LRRIQ1: variants seen among roughly 807,000 people sequenced by gnomAD.
LRRIQ1 encodes the protein leucine rich repeats and IQ motif containing 1, also known as leucine-rich repeat- and IQ domain-containing protein 1.
A neutral mutation model predicts 211.9 loss-of-function variants in LRRIQ1; 210 were observed. That is an observed-to-expected ratio of 0.99 (90% CI 0.89 to 1.11). The LOEUF is 1.11. Among genes scored for constraint, LRRIQ1 ranks in the 50% most tolerant of loss-of-function variants. The pLI is 0.00. For missense variants in LRRIQ1, 2,136 were observed against 1,939.5 expected (o/e 1.10, Z -1.90); for synonymous variants, 699 against 650.1 (o/e 1.08, Z -1.14).
At chr12:85,132,603 A>G (rs990165751) in intron 18 of LRRIQ1, among the ~76,000 whole-genome samples, 2 of 151,974 alleles carry the variant, frequency 1.3e-5, no homozygotes, top group Non-Finnish European at 2.9e-5. Flanking sequence ...CCCTGTCTCT[A>G]TAAAAAATAC....
At chr12:85,228,611 C>G (rs1894783533) in intron 24 of LRRIQ1, among the ~76,000 whole-genome samples, 1 of 152,154 alleles carries the variant, frequency 6.6e-6, no homozygotes, top group Admixed American at 6.5e-5. Context: ...ACAACAGTAA[C>G]TTTTAAAGAA....
chr12:85,169,731 C>A (rs548059001), intron 24 of LRRIQ1, among the ~76,000 whole-genome samples: 1 of 152,172 alleles, frequency 6.6e-6, no homozygotes, highest in South Asian at 2.1e-4. Context: ...TAACACCTGT[C>A]ATTTTGTGGC....
intron 21 of LRRIQ1, among the ~76,000 whole-genome samples, 179 bp from the exon 22 acceptor site, chr12:85,153,484 A>G (rs1212739085): frequency 6.6e-6 from 1 of 151,574 alleles, no homozygotes; most frequent in Non-Finnish European, 1.5e-5. Flanking sequence ...ATATGCTTCA[A>G]GTAATTGAAA....
At chr12:85,123,651 G>A (rs1215751949) in intron 16 of LRRIQ1, among the ~76,000 whole-genome samples, 1 of 152,002 alleles carries the variant, frequency 6.6e-6, no homozygotes, top group East Asian at 1.9e-4. Flanking sequence ...TAAGTTCTTT[G>A]TTTAAAAGTC....
At chr12:85,139,641 T>C (rs374385936) in intron 19 of LRRIQ1, among the ~76,000 whole-genome samples, 122 of 151,520 alleles carry the variant, frequency 8.1e-4, no homozygotes, top group African/African-American at 2.8e-3. Context: ...TACACTGCAA[T>C]AATGAATTAT....
chr12:85,264,290 C>G (rs1480639265), exon 2 of LRRIQ1: 2 of 151,976 alleles, frequency 1.3e-5, no homozygotes, highest in Admixed American at 1.3e-4. Context: ...AATTTCCACT[C>G]CATGTATAGT....
At chr12:85,097,821 T>C (rs1262939336) in intron 11 of LRRIQ1, among the ~76,000 whole-genome samples, 1 of 152,156 alleles carries the variant, frequency 6.6e-6, no homozygotes, top group East Asian at 1.9e-4. Flanking sequence ...GCTCATCTAA[T>C]ATTTTGTAGA....
In LRRIQ1 at chr12:85,232,758, T is replaced by C; in HGVS notation, c.5016+2T>C. 1 of 1,610,748 alleles carries C rather than the reference T, an allele frequency of 6.2e-7. No individual in the cohort carries two copies. Among genetic ancestry groups the C allele is most frequent in the Non-Finnish European group, 8.5e-7 (1 of 1,177,392 alleles). Reference sequence around the variant, plus strand: ...AATGGTGGAAGAGTTCAGCTTGTGGTAAGAAATGTGCTTAAAGTTACAGAA... The same window carrying C: ...AATGGTGGAAGAGTTCAGCTTGTGGCAAGAAATGTGCTTAAAGTTACAGAA... On this transcript the variant is annotated splice_donor_variant, in intron 26 of 26. Coordinates refer to ENST00000393217, the MANE Select transcript of LRRIQ1 (RefSeq NM_001079910.2). LOFTEE classifies it high-confidence loss of function.
intron 24 of LRRIQ1, among the ~76,000 whole-genome samples, chr12:85,192,560 A>G (rs1435668070): frequency 8.4e-6 from 1 of 119,028 alleles, no homozygotes; most frequent in East Asian, 2.3e-4. Context: ...GTTATATAAT[A>G]TAATTATATA....
At chr12:85,251,327 G>A (rs1157462895) in intron 1 of LRRIQ1, among the ~76,000 whole-genome samples, 1 of 151,786 alleles carries the variant, frequency 6.6e-6, no homozygotes, top group Non-Finnish European at 1.5e-5. Context: ...TAGCCTATAA[G>A]ATTATGTCAT....
At chr12:85,069,967 G>T (rs530870030) in intron 10 of LRRIQ1, among the ~76,000 whole-genome samples, 121 of 151,960 alleles carry the variant, frequency 8.0e-4, no homozygotes, top group African/African-American at 1.6e-3. Context: ...GTCAATTTTG[G>T]CTTTTGTTGC....
intron 24 of LRRIQ1, among the ~76,000 whole-genome samples, chr12:85,206,702 A>G (rs1893565848): frequency 1.3e-5 from 2 of 151,924 alleles, no homozygotes; most frequent in Admixed American, 1.3e-4. Flanking sequence ...GTCTCCGACA[A>G]TCAGGTGCAC....
intron 24 of LRRIQ1, among the ~76,000 whole-genome samples, chr12:85,201,131 G>A (rs1015982618): frequency 3.3e-5 from 5 of 151,874 alleles, no homozygotes; most frequent in Non-Finnish European, 5.9e-5. Context: ...ACGCCTGGCC[G>A]ATGGTTTAGC....
chr12:85,108,585 A>G (rs1051814746), intron 15 of LRRIQ1, among the ~76,000 whole-genome samples: 12 of 152,064 alleles, frequency 7.9e-5, no homozygotes, highest in African/African-American at 2.9e-4. Context: ...TAAGTGAATT[A>G]CCTCCCAGAA....
intron 24 of LRRIQ1, among the ~76,000 whole-genome samples, chr12:85,196,192 G>C (rs1892900086): frequency 6.6e-6 from 1 of 152,086 alleles, no homozygotes; most frequent in African/African-American, 2.4e-5. Context: ...CAAACAAATG[G>C]AAGAACATAC....
At chr12:85,084,842 C>G (rs1884649632) in intron 11 of LRRIQ1, among the ~76,000 whole-genome samples, 1 of 151,768 alleles carries the variant, frequency 6.6e-6, no homozygotes, top group Non-Finnish European at 1.5e-5. Context: ...GGAAGGATCA[C>G]TTGAACCCAG....
chr12:85,174,701 CAAA>C (rs71076115), intron 24 of LRRIQ1, among the ~76,000 whole-genome samples: 64 of 21,592 alleles, frequency 3.0e-3, no homozygotes, highest in Non-Finnish European at 3.7e-3. Context: ...GAGTACAGCT[CAAA>C]AAAAAAAAAA....
intron 24 of LRRIQ1, among the ~76,000 whole-genome samples, chr12:85,209,386 A>G (rs1027245836): frequency 2.0e-5 from 3 of 152,132 alleles, no homozygotes; most frequent in Non-Finnish European, 4.4e-5. Flanking sequence ...AGAACTCACT[A>G]TCACAAGAAC....
Position 85,163,856 on chromosome 12 carries a change from AC to A in LRRIQ1, c.4822+3144del, listed in dbSNP as rs201875685. Among the ~76,000 whole-genome samples the A allele has an allele frequency of 7.2e-3, 1,096 of 152,100 alleles. 18 individuals are homozygous for A. Among genetic ancestry groups the A allele is most frequent in the African/African-American group, 0.025 (1,029 of 41,508 alleles). On this transcript the variant is annotated intron_variant, in intron 24 of 26. Transcript: ENST00000393217. ...TTTTTTCTATATTCATAAAATGTTG[AC>A]CATTTTTGTCTGGCTACCAGATTTA...
Sources: gnomAD v4.1 joint callset for allele counts (sites outside exome capture counted in the v4.1 genomes callset) on GRCh38, gnomAD v4.1.1 for gene constraint, MANE v1.5 for transcripts, NCBI Gene and HGNC (gene_info 2026-07-23, HGNC 2026-07-21) for gene names.